Variants in PKN3 observed in about 807,000 individuals in gnomAD.
PKN3 encodes serine/threonine-protein kinase N3.
Under a neutral mutation model 113.1 loss-of-function variants are expected in PKN3, and 91 were observed. That is an observed-to-expected ratio of 0.80 (90% CI 0.68 to 0.96). PKN3 has a LOEUF of 0.96. Ranked by LOEUF, PKN3 falls within the 40% of genes least tolerant of loss-of-function variation. PKN3 has a pLI of 0.00. For missense variants in PKN3, 1,052 were observed against 1,202.2 expected (o/e 0.88, Z 1.85); for synonymous variants, 467 against 499.0 (o/e 0.94, Z 0.85).
chr9:128,714,284 C>T lies in PKN3; in HGVS notation c.1400C>T (p.Ser467Phe). ...ATGAACCTGCTGCCCCCCTGCAGCT[C>T]CCCGAGCACAATCAGCCCCCCTAAA... The part of the protein sequence containing the change: ...LVMNLLPPCS[S>F]PSTISPPKGC... The change falls in exon 11 of 22, where the codon TCC becomes TTC. Residue 467 changes from serine (S) to phenylalanine (F), a missense_variant. Ser to Phe is a radical substitution (Grantham distance 155, BLOSUM62 -2). Transcript: ENST00000291906. The T allele has an allele frequency of 4.3e-6, 7 of 1,613,598 alleles. No individual in the cohort carries two copies. The highest frequency in any genetic ancestry group is 2.2e-5 in the East Asian group (1 of 44,868).
In PKN3 at chr9:128,715,128, G is replaced by A. The variant is rs775815603; in HGVS notation, c.1653-44G>A. ...TGGAGTGGCTCTGGGTAGGGGCCCA[G>A]CCAGTGCCCTAGGGGACTTCATATA... On this transcript the variant is annotated intron_variant, in intron 13 of 21. Coordinates refer to ENST00000291906, the MANE Select transcript of PKN3 (RefSeq NM_013355.5). The surrounding 1 kb of genome is among the most constrained non-coding windows in gnomAD (Gnocchi z 4.1). The A allele has an allele frequency of 1.4e-5, 22 of 1,592,988 alleles. No homozygotes were observed. In the East Asian group the frequency reaches 2.7e-4, roughly 19 times the overall value.
chr9:128,708,047 G>C (rs1335492845), intron 6 of PKN3, among the ~76,000 whole-genome samples: 1 of 150,316 alleles, frequency 6.7e-6, no homozygotes, highest in East Asian at 2.0e-4. Context: ...CTCCACCCTG[G>C]GCGACGGGGC....
chr9:128,714,539 C>A lies in PKN3; in HGVS notation c.1482-23C>A, dbSNP rs75503700. On this transcript the variant is annotated intron_variant, in intron 11 of 21. Coordinates refer to ENST00000291906, the MANE Select transcript of PKN3 (RefSeq NM_013355.5). ...CTCTTGCGTCTGCCTGTGCTGGGCA[C>A]TGTGTCTACTTTCTCCCTACAGTAA... 231 of 975,466 alleles carry A rather than the reference C, an allele frequency of 2.4e-4. No homozygotes were observed. The East Asian group carries it at 5.4e-3, about 23-fold the overall frequency. The allele number at this position is 975,466 out of a possible 1,614,324, so 60.4% of individuals were successfully genotyped here.
In PKN3 at chr9:128,715,196, C is replaced by A; in HGVS notation, c.1677C>A (p.Phe559Leu). The A allele has an allele frequency of 6.2e-7, 1 of 1,614,128 alleles. No homozygotes were observed. The highest frequency in any genetic ancestry group is 1.1e-5 in the South Asian group (1 of 91,072). Residue 559 changes from phenylalanine to leucine, a missense_variant, in exon 14 of 22, where the codon TTC (phenylalanine) becomes TTA (leucine). By Grantham distance (22) the Phe-to-Leu change is conservative (BLOSUM62 0). Coordinates refer to ENST00000291906, the MANE Select transcript of PKN3 (RefSeq NM_013355.5). The surrounding 1 kb of genome is among the most constrained non-coding windows in gnomAD (Gnocchi z 4.1). ...GGAAACCCCCTCGGCTTCAGGACTTCCGCTGCTTAGCTGTGCTGGGCCGGG... is the reference window on the plus strand; with the variant it reads ...GGAAACCCCCTCGGCTTCAGGACTTACGCTGCTTAGCTGTGCTGGGCCGGG... The part of the protein sequence containing the change: ...PTRKPPRLQD[F>L]RCLAVLGRGH...
At position 128,719,961 on chromosome 9, in the gene PKN3, A is replaced by G. The variant is rs1407569119; in HGVS notation, c.2320A>G (p.Met774Val). The G allele has an allele frequency of 2.4e-5, 38 of 1,614,002 alleles. No individual in the cohort carries two copies. Among genetic ancestry groups the G allele is most frequent in the Non-Finnish European group, 3.1e-5 (36 of 1,180,012 alleles). The change falls in exon 20 of 22, where the codon ATG (methionine) becomes GTG (valine). Residue 774 changes from methionine to valine, a missense_variant. Physicochemically the swap from Met to Val is conservative, Grantham distance 21. Coordinates refer to ENST00000291906, the MANE Select transcript of PKN3 (RefSeq NM_013355.5). ...EEEVFDCIVN[M>V]DAPYPGFLSV... is the part of the protein sequence containing the mutation. ...AGAGGTGTTTGACTGCATCGTCAACATGGACGCCCCCTACCCCGGCTTTCT... is the reference window on the plus strand; with the variant it reads ...AGAGGTGTTTGACTGCATCGTCAACGTGGACGCCCCCTACCCCGGCTTTCT...
intron 9 of PKN3, 75 bp downstream of exon 9, chr9:128,713,717 C>A: frequency 1.4e-6 from 2 of 1,447,928 alleles, no homozygotes; most frequent in Non-Finnish European, 1.9e-6. Context: ...AAGACCGATG[C>A]ACTGCGTGTA....
At chr9:128,712,328 G>A (rs751901210) in intron 6 of PKN3, among the ~76,000 whole-genome samples, 122 of 152,266 alleles carry the variant, frequency 8.0e-4, no homozygotes, top group Non-Finnish European at 1.4e-3. Context: ...GGCCTGCTTC[G>A]TGTCCTCAAA....
Position 128,717,190 on chromosome 9 carries a change from A to C in PKN3, c.1985+267A>C, listed in dbSNP as rs1295522496. The stretch of plus-strand genomic sequence containing the variant: ...ATTGCCCAGGCTGGAGTGCAATGGC[A>C]TGATCTCGGCTCACCACAACCTCCG... On this transcript the variant is annotated intron_variant, in intron 16 of 21. Coordinates refer to ENST00000291906, the MANE Select transcript of PKN3 (RefSeq NM_013355.5). Among the ~76,000 whole-genome samples the C allele has an allele frequency of 2.4e-5, 3 of 122,714 alleles. No homozygotes were observed. In the Admixed American group the frequency reaches 3.2e-4, roughly 13 times the overall value. The allele number at this position is 122,714 out of a possible 152,430, so 80.5% of individuals were successfully genotyped here.
At chr9:128,717,507 G>A (rs1490496277) in intron 16 of PKN3, among the ~76,000 whole-genome samples, 1 of 151,440 alleles carries the variant, frequency 6.6e-6, no homozygotes, top group Non-Finnish European at 1.5e-5. Context: ...TGAGGCGGGT[G>A]GATCACCTGA....
chr9:128,702,938 A>G lies in PKN3; in HGVS notation c.23A>G (p.Gln8Arg). 1 of 1,454,238 alleles carries G rather than the reference A, an allele frequency of 6.9e-7. No individual in the cohort carries two copies. The allele number at this position is 1,454,238 out of a possible 1,614,324, so 90.1% of individuals were successfully genotyped here. A position where few individuals can be genotyped will look rare whatever the true frequency, so the allele number is the denominator to read the frequency against. ...GCCATGGAGGAGGGGGCGCCGCGGC[A>G]GGTGAACGGCGTGGGAGGGGCGCGC... MEEGAPR[Q>R]PGPSQWPPED... Residue 8 changes from glutamine (Q) to arginine (R), a missense_variant and splice_region_variant, in exon 1 of 22, where the codon CAG becomes CGG. By Grantham distance (43) the Gln-to-Arg change is conservative. This residue lies in a region of PKN3 where 719 missense variants were observed against 759.4 expected (regional missense o/e 0.95). Coordinates refer to ENST00000291906, the MANE Select transcript of PKN3 (RefSeq NM_013355.5).
chr9:128,713,733 A>G (rs1862252581), intron 9 of PKN3, 91 bp downstream of exon 9: 2 of 1,318,354 alleles, frequency 1.5e-6, no homozygotes, highest in South Asian at 1.3e-5. Flanking sequence ...GTGTAGGTGC[A>G]GAGACTGACG....
intron 6 of PKN3, among the ~76,000 whole-genome samples, chr9:128,711,615 G>A (rs1180888421): frequency 1.5e-5 from 2 of 134,156 alleles, no homozygotes; most frequent in South Asian, 2.4e-4. Context: ...TGGGGGGGGT[G>A]GGGGACAGAG....
rs34182369 is a variant in PKN3 at position 128,717,117 on chromosome 9, C to CTTTTTTTTTTT, written c.1985+210_1985+220dup. ...GCTTATGAAGCTGTGCATTAGGTTTCTTTTTTTTTTTTTTTTTTTTTTTTT... is the reference window on the plus strand; with the variant it reads ...GCTTATGAAGCTGTGCATTAGGTTTCTTTTTTTTTTTTTTTTTTTTTTTTTTTTTTTTTTTT... On this transcript the variant is annotated intron_variant, in intron 16 of 21. Transcript: ENST00000291906. Among the ~76,000 whole-genome samples the CTTTTTTTTTTT allele has an allele frequency of 5.3e-3, 129 of 24,380 alleles. 51 individuals carry two copies. The highest frequency in any genetic ancestry group is 0.036 in the East Asian group (24 of 658). 16.0% of individuals were successfully genotyped at this position (24,380 alleles called of 152,430 possible).
In PKN3 at chr9:128,706,970, G is replaced by A. The variant is rs140271016; in HGVS notation, c.598G>A (p.Val200Met). 1.6e-5 allele frequency: 26 copies of A among 1,614,092 alleles called. No individual in the cohort carries two copies. In the African/African-American group the frequency reaches 2.4e-4, roughly 15 times the overall value. ...AGCTGTGGCTGAGGGCGCCAAGAAC[G>A]TGGTGAAACTGCTTAGTAGCCGGAG... ...EAAVAEGAKN[V>M]VKLLSSRRTQ... The change falls in exon 5 of 22, where the codon GTG (valine) becomes ATG (methionine). Residue 200 changes from valine (V) to methionine (M), a missense_variant. This residue lies in a region of PKN3 where 719 missense variants were observed against 759.4 expected (regional missense o/e 0.95). Transcript: ENST00000291906.
Position 128,702,698 on chromosome 9 carries a change from G to A in PKN3, c.-218G>A, listed in dbSNP as rs931348561. On this transcript the variant is annotated 5_prime_UTR_variant, in exon 1 of 22. Transcript: ENST00000291906. ...TTTTGGATCCGAGGGAGGCGCTGGG[G>A]CGCGGGACCTCGGGCGTGGGGTCCC... is the stretch of plus-strand genomic sequence containing the variant. The A allele has an allele frequency of 2.1e-6, 1 of 469,816 alleles. No individual in the cohort carries two copies. Among genetic ancestry groups the A allele is most frequent in the Non-Finnish European group, 3.7e-6 (1 of 269,806 alleles). 29.1% of individuals were successfully genotyped at this position (469,816 alleles called of 1,614,324 possible). A position where few individuals can be genotyped will look rare whatever the true frequency, so the allele number is the denominator to read the frequency against.
rs896357885 is a variant in PKN3, at chr9:128,716,747, C to G, written c.1809C>G (p.Ser603Arg). The stretch of plus-strand genomic sequence containing the variant: ...CTAATACTCTTGCTCTCTCCTGTAG[C>G]CTGTACTGCGAGAAGCGGATCCTGG... Reference protein sequence around the residue: ...QEVLSRDEIESLYCEKRILEA... With the variant: ...QEVLSRDEIERLYCEKRILEA... The change falls in exon 16 of 22, where the codon AGC becomes AGG. Residue 603 changes from serine (S) to arginine (R), a missense_variant and splice_region_variant. This residue lies in a region of PKN3 where 333 missense variants were observed against 442.8 expected (regional missense o/e 0.75). Coordinates refer to ENST00000291906, the MANE Select transcript of PKN3 (RefSeq NM_013355.5). 26 of 1,613,450 alleles carry G rather than the reference C, an allele frequency of 1.6e-5. No individual in the cohort carries two copies. Among genetic ancestry groups the G allele is most frequent in the Non-Finnish European group, 2.2e-5 (26 of 1,179,500 alleles).
rs765467583 is a variant in PKN3 at position 128,715,733 on chromosome 9, G to T, written c.1808+273G>T. On this transcript the variant is annotated intron_variant, in intron 15 of 21. Transcript: ENST00000291906. The surrounding 1 kb of genome is among the most constrained non-coding windows in gnomAD (Gnocchi z 4.1). The stretch of plus-strand genomic sequence containing the variant: ...GACATATAGAAACCATCACTCTATG[G>T]CCAGGCGTGGTAACTCATGCATGTA... Among the ~76,000 whole-genome samples the T allele has an allele frequency of 2.0e-5, 3 of 152,160 alleles. No individual in the cohort carries two copies. The highest frequency in any genetic ancestry group is 4.4e-5 in the Non-Finnish European group (3 of 68,022).
chr9:128,702,636 G>A lies in PKN3; in HGVS notation c.-280G>A. On this transcript the variant is annotated 5_prime_UTR_variant, in exon 1 of 22. Transcript: ENST00000291906. ...GTCACGCCCAGCGGGAACCGCAGGC[G>A]CCGAAGCCCGGGTACTGGGCCCAGA... is the stretch of plus-strand genomic sequence containing the variant. The A allele has an allele frequency of 2.5e-6, 1 of 403,382 alleles. No individual in the cohort carries two copies. 25.0% of individuals were successfully genotyped at this position (403,382 alleles called of 1,614,324 possible).
Position 128,718,624 on chromosome 9 carries a change from A to C in PKN3, c.2124A>C (p.Glu708Asp). 1 of 1,613,920 alleles carries C rather than the reference A, an allele frequency of 6.2e-7. No individual in the cohort carries two copies. ...TCGCAGACTTTGGACTCTGCAAGGA[A>C]GGTGGGGGCCGCCCATTGGGATCCA... ...LKIADFGLCK[E>D]GIGFGDRTST... Residue 708 changes from glutamate (E) to aspartate (D), a missense_variant and splice_region_variant, in exon 18 of 22, where the codon GAA (glutamate) becomes GAC (aspartate). Around this residue, in one of 2 missense-constraint regions of PKN3, gnomAD observed 333 missense variants for 442.8 expected, o/e 0.75. Coordinates refer to ENST00000291906, the MANE Select transcript of PKN3 (RefSeq NM_013355.5).
Sources: gnomAD v4.1 joint callset for allele counts (sites outside exome capture counted in the v4.1 genomes callset) on GRCh38, gnomAD v4.1.1 for gene constraint, gnomAD v4.1.1 regional missense constraint, Gnocchi (gnomAD v3.1) non-coding constraint, MANE v1.5 for transcripts, NCBI Gene and HGNC (gene_info 2026-07-23, HGNC 2026-07-21) for gene names.